Variants in ATP1A1 observed in about 807,000 individuals in gnomAD.
ATP1A1 encodes ATPase Na+/K+ transporting subunit alpha 1, also known as sodium/potassium-transporting ATPase subunit alpha-1.
ATP1A1 carries 14 observed loss-of-function variants against 114.8 expected under a neutral mutation model. That is an observed-to-expected ratio of 0.12 (90% CI 0.08 to 0.19). ATP1A1 has a LOEUF of 0.19. Among genes scored for constraint, ATP1A1 ranks in the 10% least tolerant of loss-of-function variants. The probability of loss-of-function intolerance (pLI) is 1.00; values close to 1 mark genes in which losing one functional copy is unlikely to be tolerated. For synonymous variants in ATP1A1, 471 were observed against 466.3 expected, an observed-to-expected ratio of 1.01 and a Z score of -0.13; for missense variants, 524 against 1,290.7, an observed-to-expected ratio of 0.41 and a Z score of 9.10.
chr1:116,398,421 T>C lies in ATP1A1; in HGVS notation c.2125-200T>C, dbSNP rs1008484239. The stretch of plus-strand genomic sequence containing the variant: ...GCTCTTGTTAATGCTGGGGGCTATG[T>C]TTGTTGTCACTTCTCAGTTCTGTTA... On this transcript the variant is annotated intron_variant, in intron 15 of 22. Transcript: ENST00000295598. This position sits in a 1 kb window ranked among gnomAD's most constrained non-coding sequence, Gnocchi z 6.1. Among the ~76,000 whole-genome samples, 8 of 152,106 alleles carry C rather than the reference T, an allele frequency of 5.3e-5. No homozygotes were observed. Among genetic ancestry groups the C allele is most frequent in the African/African-American group, 1.9e-4 (8 of 41,398 alleles).
chr1:116,392,641 A>G, intron 10 of ATP1A1: 1 of 468,936 alleles, frequency 2.1e-6, no homozygotes, highest in South Asian at 3.9e-5. Context: ...TGGGGTGGGG[A>G]AGGACGTTGG....
chr1:116,383,708 A>C (rs1291947991), intron 1 of ATP1A1, among the ~76,000 whole-genome samples: 4 of 152,208 alleles, frequency 2.6e-5, no homozygotes, highest in African/African-American at 9.7e-5. Context: ...TTTGATAGCA[A>C]AAATCTCCTC....
In ATP1A1 at chr1:116,384,748, G is replaced by T; in HGVS notation, c.124-35G>T. ...TTCTGTCATTTTTTTATACTACACT[G>T]TTTAACTATTTTCTTTGTTTCTGTT... On this transcript the variant is annotated intron_variant, in intron 2 of 22. Coordinates refer to ENST00000295598, the MANE Select transcript of ATP1A1 (RefSeq NM_000701.8). This position sits in a 1 kb window ranked among gnomAD's most constrained non-coding sequence, Gnocchi z 5.1. 1 of 1,559,180 alleles carries T rather than the reference G, an allele frequency of 6.4e-7. No individual in the cohort carries two copies. Among genetic ancestry groups the T allele is most frequent in the Non-Finnish European group, 8.8e-7 (1 of 1,140,724 alleles).
At position 116,389,941 on chromosome 1, in the gene ATP1A1, T is replaced by A. The variant is rs850609; in HGVS notation, c.1023+234T>A. 0.77 allele frequency: 543,524 copies of A among 707,558 alleles called. 210,782 individuals are homozygous for A. Among genetic ancestry groups the A allele is most frequent in the African/African-American group, 0.96 (53,385 of 55,830 alleles). The allele number at this position is 707,558 out of a possible 1,614,324, so 43.8% of individuals were successfully genotyped here. A position where few individuals can be genotyped will look rare whatever the true frequency, so the allele number is the denominator to read the frequency against. ...TTGCTTTTAAATTATCACGTGGTCC[T>A]GAACAGTGCAGTGGAGAAAGGAGAA... On this transcript the variant is annotated intron_variant, in intron 8 of 22. Coordinates refer to ENST00000295598, the MANE Select transcript of ATP1A1 (RefSeq NM_000701.8). The surrounding 1 kb of genome is among the most constrained non-coding windows in gnomAD (Gnocchi z 6.9).
chr1:116,393,743 A>T lies in ATP1A1; in HGVS notation c.1660+20A>T, dbSNP rs1262285444. On this transcript the variant is annotated intron_variant, in intron 12 of 22. Transcript: ENST00000295598. This position sits in a 1 kb window ranked among gnomAD's most constrained non-coding sequence, Gnocchi z 5.0. ...TCCTAGGTATGCAGATAACCTGGTAACAGAGTGCCTGGGCACGTTTTTATC... is the reference window on the plus strand; with the variant it reads ...TCCTAGGTATGCAGATAACCTGGTATCAGAGTGCCTGGGCACGTTTTTATC... The T allele has an allele frequency of 1.2e-6, 2 of 1,606,508 alleles. No individual in the cohort carries two copies. Among genetic ancestry groups the T allele is most frequent in the Non-Finnish European group, 1.7e-6 (2 of 1,176,536 alleles).
intron 1 of ATP1A1, chr1:116,383,247 G>A (rs191252710): frequency 6.5e-6 from 3 of 463,890 alleles, no homozygotes; most frequent in Non-Finnish European, 5.8e-6. Flanking sequence ...CTACAGAATG[G>A]GCTGGGCGCT....
Position 116,374,019 on chromosome 1 carries a change from G to C in ATP1A1, c.12+496G>C, listed in dbSNP as rs1404479321. On this transcript the variant is annotated intron_variant, in intron 1 of 22. Coordinates refer to ENST00000295598, the MANE Select transcript of ATP1A1 (RefSeq NM_000701.8). ...CCCCTTCCCCTGGGGCGCTCCGCCG[G>C]GGCCTCCTCCCGGGCCTCCGTTCCC... 4.2e-5 allele frequency: 54 copies of C among 1,282,882 alleles called. No individual in the cohort carries two copies. In the Admixed American group the frequency reaches 1.3e-3, roughly 32 times the overall value. The allele number at this position is 1,282,882 out of a possible 1,614,324, so 79.5% of individuals were successfully genotyped here.
Position 116,384,708 on chromosome 1 carries a change from G to T in ATP1A1, c.124-75G>T. ...GTTTAATAAGCTTAATGATAGTAAT[G>T]AATAATGCTATTTTTTCTGTCATTT... On this transcript the variant is annotated intron_variant, in intron 2 of 22. Transcript: ENST00000295598. This position sits in a 1 kb window ranked among gnomAD's most constrained non-coding sequence, Gnocchi z 5.1. 1 of 1,278,252 alleles carries T rather than the reference G, an allele frequency of 7.8e-7. No homozygotes were observed. The highest frequency in any genetic ancestry group is 1.3e-5 in the South Asian group (1 of 76,412). The allele number at this position is 1,278,252 out of a possible 1,614,324, so 79.2% of individuals were successfully genotyped here.
intron 10 of ATP1A1, among the ~76,000 whole-genome samples, chr1:116,391,931 GGA>G (rs1652501317): frequency 6.6e-6 from 1 of 152,116 alleles, no homozygotes; most frequent in Non-Finnish European, 1.5e-5. Context: ...AAGCGGGGAG[GGA>G]GAAGCAGCCC....
At chr1:116,374,136 GCCGCC>G in intron 1 of ATP1A1, 1 of 1,546,570 alleles carries the variant, frequency 6.5e-7, no homozygotes, top group African/African-American at 1.4e-5. Context: ...CGCAGAGGCG[GCCGCC>G]CTCCCCCAAA....
intron 18 of ATP1A1, among the ~76,000 whole-genome samples, chr1:116,400,646 C>T (rs1210276780): frequency 6.6e-6 from 1 of 152,108 alleles, no homozygotes; most frequent in Non-Finnish European, 1.5e-5. Context: ...ACTCAAAAAG[C>T]AGAGGGCCCT....
Position 116,381,099 on chromosome 1 carries a change from G to A in ATP1A1, c.13-2915G>A, listed in dbSNP as rs564693745. Among the ~76,000 whole-genome samples, 1 of 152,162 alleles carries A rather than the reference G, an allele frequency of 6.6e-6. No individual in the cohort carries two copies. The highest frequency in any genetic ancestry group is 2.4e-5 in the African/African-American group (1 of 41,428). On this transcript the variant is annotated intron_variant, in intron 1 of 22. Transcript: ENST00000295598. The surrounding 1 kb of genome is among the most constrained non-coding windows in gnomAD (Gnocchi z 5.1). ...TTAATCACTCCCAGTCCTCTGGGAG[G>A]GGGGAAGTGACCTGAACTTTCTAAT...
In ATP1A1 at chr1:116,387,136, G is replaced by A. The variant is rs1652155447; in HGVS notation, c.184-152G>A. On this transcript the variant is annotated intron_variant, in intron 3 of 22. Transcript: ENST00000295598. The surrounding 1 kb of genome is among the most constrained non-coding windows in gnomAD (Gnocchi z 6.7). ...CTGGCTCATCAGCAGAATTATTCAT[G>A]GAGGAATTTGCTAGGTTTTACCTTG... is the stretch of plus-strand genomic sequence containing the variant. 1 of 851,584 alleles carries A rather than the reference G, an allele frequency of 1.2e-6. No homozygotes were observed. Among genetic ancestry groups the A allele is most frequent in the East Asian group, 2.7e-5 (1 of 37,484 alleles). The allele number at this position is 851,584 out of a possible 1,614,324, so 52.8% of individuals were successfully genotyped here. A position where few individuals can be genotyped will look rare whatever the true frequency, so the allele number is the denominator to read the frequency against.
chr1:116,390,479 A>T, intron 9 of ATP1A1, 68 bp downstream of exon 9: 1 of 1,430,262 alleles, frequency 7.0e-7, no homozygotes, highest in African/African-American at 1.5e-5. Flanking sequence ...CTTTTAAGAA[A>T]TTGCATGAAA....
chr1:116,377,754 G>A (rs1374962696), intron 1 of ATP1A1, among the ~76,000 whole-genome samples: 1 of 152,216 alleles, frequency 6.6e-6, no homozygotes, highest in Non-Finnish European at 1.5e-5. Flanking sequence ...GAAGAAACCC[G>A]AGTGTCAGAT....
Position 116,388,203 on chromosome 1 carries a change from A to C in ATP1A1, c.460A>C (p.Ser154Arg). 1 of 1,614,122 alleles carries C rather than the reference A, an allele frequency of 6.2e-7. No homozygotes were observed. The highest frequency in any genetic ancestry group is 1.3e-5 in the African/African-American group (1 of 75,064). Residue 154 changes from serine (S) to arginine (R), a missense_variant, in exon 5 of 23, where the codon AGT becomes CGT. Physicochemically the swap from Ser to Arg is moderately radical, Grantham distance 110. Transcript: ENST00000295598. This position sits in a 1 kb window ranked among gnomAD's most constrained non-coding sequence, Gnocchi z 5.6. ...CTTCTCCTACTATCAAGAAGCTAAA[A>C]GTTCAAAGATCATGGAATCCTTCAA... The part of the protein sequence containing the change: ...GCFSYYQEAK[S>R]SKIMESFKNM...
At chr1:116,375,670 G>A (rs557982036) in intron 1 of ATP1A1, among the ~76,000 whole-genome samples, 2 of 152,276 alleles carry the variant, frequency 1.3e-5, no homozygotes, top group East Asian at 3.9e-4. Flanking sequence ...GTGTGTTTGT[G>A]TGTGTGTTTG....
Position 116,389,719 on chromosome 1 carries a change from G to A in ATP1A1, c.1023+12G>A, listed in dbSNP as rs1014203894. 6.2e-7 allele frequency: 1 copy of A among 1,613,870 alleles called. No homozygotes were observed. Among genetic ancestry groups the A allele is most frequent in the East Asian group, 2.2e-5 (1 of 44,876 alleles). Reference sequence around the variant, plus strand: ...TGGCCACTGTCACGGTAAGAGGCAGGTGATGGTCACCCTGACTCAGATCAG... The same window carrying A: ...TGGCCACTGTCACGGTAAGAGGCAGATGATGGTCACCCTGACTCAGATCAG... On this transcript the variant is annotated intron_variant, in intron 8 of 22. Transcript: ENST00000295598. This position sits in a 1 kb window ranked among gnomAD's most constrained non-coding sequence, Gnocchi z 6.9.
At chr1:116,386,849 C>T (rs1442177949) in intron 3 of ATP1A1, among the ~76,000 whole-genome samples, 1 of 152,180 alleles carries the variant, frequency 6.6e-6, no homozygotes, top group Non-Finnish European at 1.5e-5. Context: ...TTTTTTTCTC[C>T]TTTGATGTTT....
Sources: allele counts gnomAD v4.1 joint callset (sites outside exome capture counted in the v4.1 genomes callset), GRCh38; gene constraint gnomAD v4.1.1; non-coding constraint Gnocchi (gnomAD v3.1); transcripts MANE v1.5; gene names NCBI Gene and HGNC (gene_info 2026-07-23, HGNC 2026-07-21).